Variants in RSPO4 observed in about 807,000 individuals in gnomAD.
RSPO4 encodes R-spondin 4.
Under a neutral mutation model 24.8 loss-of-function variants are expected in RSPO4, and 23 were observed. The ratio of observed to expected loss-of-function variants is 0.93; its 90% CI spans 0.67 to 1.31. The LOEUF is 1.31. RSPO4 is among the 40% of genes most tolerant of loss of function. The pLI, the probability that RSPO4 is intolerant of heterozygous loss-of-function variation, is 0.00. For missense variants in RSPO4, 333 were observed against 316.5 expected (o/e 1.05, Z -0.39); for synonymous variants, 141 against 127.4 (o/e 1.11, Z -0.72).
Position 960,430 on chromosome 20 carries a change from C to A in RSPO4, c.632G>T (p.Arg211Leu). 6.5e-7 allele frequency: 1 copy of A among 1,539,752 alleles called. No homozygotes were observed. The highest frequency in any genetic ancestry group is 2.4e-5 in the East Asian group (1 of 40,992). ...SPGQKKGRKDRRPRKDRKLDR... is the reference protein window; with the variant it reads ...SPGQKKGRKDLRPRKDRKLDR... ...CAGCTTCCTGTCCTTGCGTGGGCGC[C>A]GGTCCTTCCTGCCCTTCTTCTGGCC... Residue 211 changes from arginine to leucine, a missense_variant, in exon 5 of 5, where the codon CGG (arginine) becomes CTG (leucine). By Grantham distance (102) the Arg-to-Leu change is moderately radical. Transcript: ENST00000217260.
intron 1 of RSPO4, among the ~76,000 whole-genome samples, chr20:1,001,599 G>T (rs921348249): frequency 6.6e-6 from 1 of 152,166 alleles, no homozygotes; most frequent in African/African-American, 2.4e-5. Context: ...GGCCATGGAG[G>T]ATCACTGCCC....
intron 1 of RSPO4, among the ~76,000 whole-genome samples, chr20:972,694 G>T (rs1267502988): frequency 6.6e-6 from 1 of 152,164 alleles, no homozygotes; most frequent in African/African-American, 2.4e-5. Context: ...TCTTGTTTAG[G>T]TCACTGGGCC....
chr20:983,684 A>G (rs1212024150), intron 1 of RSPO4, among the ~76,000 whole-genome samples: 2 of 152,192 alleles, frequency 1.3e-5, no homozygotes, highest in Admixed American at 1.3e-4. Flanking sequence ...CTATGCTCAC[A>G]TGTTGTGACA....
chr20:998,500 T>C (rs570218406), intron 1 of RSPO4, among the ~76,000 whole-genome samples: 13 of 152,292 alleles, frequency 8.5e-5, no homozygotes, highest in African/African-American at 3.1e-4. Context: ...AACAGAAAAA[T>C]TGGGCTTCAT....
At chr20:962,686 CCTT>C (rs1568902615) in intron 4 of RSPO4, among the ~76,000 whole-genome samples, 1 of 152,192 alleles carries the variant, frequency 6.6e-6, no homozygotes, top group Non-Finnish European at 1.5e-5. Context: ...TAGCACAAGT[CCTT>C]CTGAAAGAGG....
rs141670579 is a variant in RSPO4 at position 970,135 on chromosome 20, T to C, written c.80-1997A>G. 1.3e-5 allele frequency among the ~76,000 whole-genome samples: 2 copies of C among 152,298 alleles called. No homozygotes were observed. Among genetic ancestry groups the C allele is most frequent in the Admixed American group, 6.5e-5 (1 of 15,310 alleles). ...GAGAGCTAACGAAAGCCCGGTCAGA[T>C]ACACATTCTGGTGACTCCAGTCCTG... is the stretch of plus-strand genomic sequence containing the variant. On this transcript the variant is annotated intron_variant, in intron 1 of 4. Coordinates refer to ENST00000217260, the MANE Select transcript of RSPO4 (RefSeq NM_001029871.4). The surrounding 1 kb of genome is among the most constrained non-coding windows in gnomAD (Gnocchi z 4.1).
chr20:1,002,211 C>G lies in RSPO4; in HGVS notation c.-47G>C. 1 of 1,406,748 alleles carries G rather than the reference C, an allele frequency of 7.1e-7. No homozygotes were observed. The highest frequency in any genetic ancestry group is 9.4e-7 in the Non-Finnish European group (1 of 1,059,960). 87.1% of individuals were successfully genotyped at this position (1,406,748 alleles called of 1,614,324 possible). On this transcript the variant is annotated 5_prime_UTR_variant, in exon 1 of 5. Coordinates refer to ENST00000217260, the MANE Select transcript of RSPO4 (RefSeq NM_001029871.4). The surrounding 1 kb of genome is among the most constrained non-coding windows in gnomAD (Gnocchi z 4.6). Reference sequence around the variant, plus strand: ...GGCGCTCCCCAGGCGGCCCGACGGCCCAAGGGCCCCACGTCCCGGCGGCGG... The same window carrying G: ...GGCGCTCCCCAGGCGGCCCGACGGCGCAAGGGCCCCACGTCCCGGCGGCGG...
At chr20:988,531 A>T (rs1405468807) in intron 1 of RSPO4, among the ~76,000 whole-genome samples, 1 of 152,104 alleles carries the variant, frequency 6.6e-6, no homozygotes, top group Non-Finnish European at 1.5e-5. Flanking sequence ...CATGCTAGAC[A>T]GATCTTAGCT....
chr20:968,481 G>T lies in RSPO4; in HGVS notation c.80-343C>A, dbSNP rs191589621. 4.2e-4 allele frequency among the ~76,000 whole-genome samples: 64 copies of T among 152,358 alleles called. 2 individuals are homozygous for T. The South Asian group carries it at 0.011, about 26-fold the overall frequency. On this transcript the variant is annotated intron_variant, in intron 1 of 4. Coordinates refer to ENST00000217260, the MANE Select transcript of RSPO4 (RefSeq NM_001029871.4). Reference sequence around the variant, plus strand: ...GATCATGAGGTGGAAACTATGTCCCGTGAGGCGGTGGAAAAATCAGATAAA... The same window carrying T: ...GATCATGAGGTGGAAACTATGTCCCTTGAGGCGGTGGAAAAATCAGATAAA...
At chr20:991,603 C>T (rs1340958355) in intron 1 of RSPO4, among the ~76,000 whole-genome samples, 1 of 151,500 alleles carries the variant, frequency 6.6e-6, no homozygotes, top group Non-Finnish European at 1.5e-5. Context: ...ATAAGAATTA[C>T]ATGATTAAAA....
chr20:993,230 G>A (rs993364698), intron 1 of RSPO4, among the ~76,000 whole-genome samples: 2 of 152,166 alleles, frequency 1.3e-5, no homozygotes, highest in African/African-American at 2.4e-5. Flanking sequence ...CCCCCACTAT[G>A]GGCCACAGAG....
chr20:966,172 G>A (rs1481999766), intron 3 of RSPO4, among the ~76,000 whole-genome samples: 1 of 152,146 alleles, frequency 6.6e-6, no homozygotes, highest in East Asian at 1.9e-4. Flanking sequence ...TCAGCAGCTG[G>A]AATGACCATG....
intron 1 of RSPO4, among the ~76,000 whole-genome samples, chr20:984,919 A>T (rs1462507577): frequency 8.8e-6 from 1 of 113,810 alleles, no homozygotes; most frequent in Non-Finnish European, 1.8e-5. Context: ...CCATCCATCC[A>T]TCCCCATCCA....
chr20:968,291 G>A, intron 1 of RSPO4, among the ~76,000 whole-genome samples, 153 bp from the exon 2 acceptor site: 1 of 152,230 alleles, frequency 6.6e-6, no homozygotes, highest in South Asian at 2.1e-4. Context: ...CTTACAACTA[G>A]ATATGGTCAT....
chr20:965,299 G>A (rs560115713), intron 3 of RSPO4, among the ~76,000 whole-genome samples: 26 of 152,256 alleles, frequency 1.7e-4, no homozygotes, highest in Middle Eastern at 3.4e-3. Flanking sequence ...AGGGAGGGAC[G>A]GGAGGTGCTC....
chr20:960,183 AAAAAAG>A lies in RSPO4; in HGVS notation c.*168_*173del, dbSNP rs1328751478. 1.5e-5 allele frequency: 9 copies of A among 599,608 alleles called. No homozygotes were observed. The highest frequency in any genetic ancestry group is 8.9e-6 in the Non-Finnish European group (3 of 336,864). 37.1% of individuals were successfully genotyped at this position (599,608 alleles called of 1,614,324 possible). On this transcript the variant is annotated 3_prime_UTR_variant, in exon 5 of 5. Transcript: ENST00000217260. Reference sequence around the variant, plus strand: ...TGGAGGTGGAAGAAATAAAGGAAATAAAAAAGAAAAAGAAAGGGAAGGTAGACTGAC... The same window carrying A: ...TGGAGGTGGAAGAAATAAAGGAAATAAAAAAGAAAGGGAAGGTAGACTGAC...
Position 969,207 on chromosome 20 carries a change from T to C in RSPO4, c.80-1069A>G, listed in dbSNP as rs201232693. ...GGCACACACCTGTAGTCCCAGCTAC[T>C]TGGGAGGCTAAGGTGGGAGGATCGC... is the stretch of plus-strand genomic sequence containing the variant. On this transcript the variant is annotated intron_variant, in intron 1 of 4. Transcript: ENST00000217260. Among the ~76,000 whole-genome samples the C allele has an allele frequency of 7.2e-5, 11 of 152,302 alleles. No individual in the cohort carries two copies. In the East Asian group the frequency reaches 1.9e-3, roughly 27 times the overall value.
chr20:1,002,229 G>GCC lies in RSPO4; in HGVS notation c.-66_-65insGG. The stretch of plus-strand genomic sequence containing the variant: ...CGACGGCCCAAGGGCCCCACGTCCC[G>GCC]GCGGCGGCACGGCGGGCGCGGGGGC... On this transcript the variant is annotated 5_prime_UTR_variant, in exon 1 of 5. Coordinates refer to ENST00000217260, the MANE Select transcript of RSPO4 (RefSeq NM_001029871.4). This position sits in a 1 kb window ranked among gnomAD's most constrained non-coding sequence, Gnocchi z 4.6. 1 of 1,216,136 alleles carries GCC rather than the reference G, an allele frequency of 8.2e-7. No homozygotes were observed. The highest frequency in any genetic ancestry group is 1.1e-6 in the Non-Finnish European group (1 of 940,824). 75.3% of individuals were successfully genotyped at this position (1,216,136 alleles called of 1,614,324 possible). A position where few individuals can be genotyped will look rare whatever the true frequency, so the allele number is the denominator to read the frequency against.
At chr20:996,559 A>G (rs1186318157) in intron 1 of RSPO4, among the ~76,000 whole-genome samples, 2 of 152,174 alleles carry the variant, frequency 1.3e-5, no homozygotes, top group Non-Finnish European at 2.9e-5. Context: ...GCCCAATAGT[A>G]AATACTTTAG....
Sources: allele counts gnomAD v4.1 joint callset (sites outside exome capture counted in the v4.1 genomes callset), GRCh38; gene constraint gnomAD v4.1.1; non-coding constraint Gnocchi (gnomAD v3.1); transcripts MANE v1.5; gene names NCBI Gene and HGNC (gene_info 2026-07-23, HGNC 2026-07-21).